KIAA0930: variants seen among roughly 807,000 people sequenced by gnomAD.
The protein encoded by KIAA0930 is KIAA0930.
KIAA0930 carries 24 observed loss-of-function variants against 43.9 expected under a neutral mutation model. The ratio of observed to expected loss-of-function variants is 0.55; its 90% confidence interval spans 0.40 to 0.77. KIAA0930 has a LOEUF of 0.77. Among genes scored for constraint, KIAA0930 ranks in the 30% least tolerant of loss-of-function variants. The pLI, the probability that KIAA0930 is intolerant of heterozygous loss-of-function variation, is 0.00. For synonymous variants in KIAA0930, 259 were observed against 216.4 expected (o/e 1.20, Z -1.73); for missense variants, 461 against 574.2 (o/e 0.80, Z 2.02).
At chr22:45,212,414 T>A in intron 1 of KIAA0930, 2 of 1,543,838 alleles carry the variant, frequency 1.3e-6, no homozygotes, top group Non-Finnish European at 1.8e-6. Flanking sequence ...AAAAGGAAAA[T>A]CCCGAGGAGC....
chr22:45,234,665 T>TA (rs1452985573), intron 1 of KIAA0930, among the ~76,000 whole-genome samples: 8 of 152,198 alleles, frequency 5.3e-5, no homozygotes, highest in African/African-American at 1.9e-4. Context: ...TTTGCACGTA[T>TA]AAAAAGCTTT....
intron 1 of KIAA0930, among the ~76,000 whole-genome samples, chr22:45,233,854 T>C (rs2083869613): frequency 6.6e-6 from 1 of 152,158 alleles, no homozygotes; most frequent in South Asian, 2.1e-4. Flanking sequence ...TGACGTATTG[T>C]TTACAAGTCC....
intron 1 of KIAA0930, among the ~76,000 whole-genome samples, chr22:45,225,631 C>G (rs968331727): frequency 6.6e-6 from 1 of 152,164 alleles, no homozygotes; most frequent in African/African-American, 2.4e-5. Flanking sequence ...GGCACAAGCA[C>G]GGCGCCCATT....
chr22:45,209,060 G>C (rs2083667961), intron 2 of KIAA0930, among the ~76,000 whole-genome samples: 1 of 152,226 alleles, frequency 6.6e-6, no homozygotes, highest in Non-Finnish European at 1.5e-5. Context: ...TCCCTCCCTG[G>C]GAAAGGCTGG....
intron 1 of KIAA0930, among the ~76,000 whole-genome samples, chr22:45,221,687 A>T (rs1156739083): frequency 6.6e-6 from 1 of 152,256 alleles, no homozygotes. Context: ...AACAGAATAG[A>T]AAGCAAAAAC....
intron 1 of KIAA0930, chr22:45,213,412 G>C: frequency 7.7e-7 from 1 of 1,299,742 alleles, no homozygotes; most frequent in Non-Finnish European, 1.0e-6. Flanking sequence ...CTGGGTCAGC[G>C]AGCCTTGTCA....
chr22:45,199,390 G>A (rs1451685804), intron 8 of KIAA0930, among the ~76,000 whole-genome samples: 1 of 152,114 alleles, frequency 6.6e-6, no homozygotes, highest in Non-Finnish European at 1.5e-5. Context: ...TGCACGAGGT[G>A]GCGACTGTGT....
chr22:45,230,127 G>A lies in KIAA0930; in HGVS notation c.64+10513C>T, dbSNP rs115340315. ...ACATATGGGACAATGCAGGTGGGGA[G>A]AGGAGACAGCCCAGGCACAGCCTGG... is the stretch of plus-strand genomic sequence containing the variant. On this transcript the variant is annotated intron_variant, in intron 1 of 9. Transcript: ENST00000336156. Among the ~76,000 whole-genome samples, 937 of 152,320 alleles carry A rather than the reference G, an allele frequency of 6.2e-3. 15 individuals carry two copies. Among genetic ancestry groups the A allele is most frequent in the African/African-American group, 0.022 (898 of 41,568 alleles).
Position 45,211,964 on chromosome 22 carries a change from C to T in KIAA0930, c.208G>A (p.Gly70Arg), listed in dbSNP as rs1462812749. 16 of 1,611,358 alleles carry T rather than the reference C, an allele frequency of 9.9e-6. No individual in the cohort carries two copies. The highest frequency in any genetic ancestry group is 1.2e-5 in the Non-Finnish European group (14 of 1,179,986). ...GGCCGGGGGTCACTCACCTTCCTCC[C>T]GTCTGCACCGCTTTCGCTGCCGGAG... ...AYSGSESGAD[G>R]RKAAEPEVEV... The change falls in exon 2 of 10, where the codon GGG (glycine) becomes AGG (arginine). Residue 70 changes from glycine (G) to arginine (R), a missense_variant. Gly to Arg is a moderately radical substitution (Grantham distance 125). Transcript: ENST00000336156.
intron 1 of KIAA0930, among the ~76,000 whole-genome samples, chr22:45,225,346 A>C (rs1023044877): frequency 1.3e-5 from 2 of 152,096 alleles, no homozygotes; most frequent in Non-Finnish European, 2.9e-5. Context: ...TTGAGTCCCC[A>C]CGTGAGCAGT....
chr22:45,235,021 ATG>A (rs2083878503), intron 1 of KIAA0930, among the ~76,000 whole-genome samples: 1 of 151,952 alleles, frequency 6.6e-6, no homozygotes, highest in African/African-American at 2.4e-5. Context: ...TTAGAAAAAA[ATG>A]TGTTTGGGAA....
At chr22:45,232,781 C>T (rs1017554158) in intron 1 of KIAA0930, among the ~76,000 whole-genome samples, 20 of 152,090 alleles carry the variant, frequency 1.3e-4, no homozygotes, top group Admixed American at 9.8e-4. Flanking sequence ...GGGTGGGGAC[C>T]GGCTCCAGGG....
rs1389265158 is a variant in KIAA0930 at position 45,197,215 on chromosome 22, G to A, written c.1176C>T (p.Asp392=). The change falls in exon 10 of 10, where the codon GAC becomes GAT. Residue 392 remains aspartate, a splice_region_variant and synonymous_variant. Coordinates refer to ENST00000336156, the MANE Select transcript of KIAA0930 (RefSeq NM_001009880.2). Reference sequence around the variant, plus strand: ...TGGGCTTCTGCCGAACTTCCAGGATGTCTAGGGCCGGCAGGAGGGAAGCAG... The same window carrying A: ...TGGGCTTCTGCCGAACTTCCAGGATATCTAGGGCCGGCAGGAGGGAAGCAG... ...VTLPLHRILT[D]ILEVRQKPIL... 2.6e-6 allele frequency: 4 copies of A among 1,550,364 alleles called. No homozygotes were observed. The South Asian group carries it at 3.6e-5, about 14-fold the overall frequency.
rs1235107082 is a variant in KIAA0930, at chr22:45,208,384, A to C, written c.217-2472T>G. 2.0e-5 allele frequency among the ~76,000 whole-genome samples: 3 copies of C among 147,498 alleles called. 1 individual carries two copies. Among genetic ancestry groups the C allele is most frequent in the Non-Finnish European group, 4.6e-5 (3 of 65,824 alleles). On this transcript the variant is annotated intron_variant, in intron 2 of 9. Transcript: ENST00000336156. ...CGACTCCACATGCACGAGCTGTAAGAACAGGTAGAACCCGCCAACTCCACA... is the reference window on the plus strand; with the variant it reads ...CGACTCCACATGCACGAGCTGTAAGCACAGGTAGAACCCGCCAACTCCACA...
chr22:45,205,770 G>GCGCCC, intron 3 of KIAA0930, 23 bp downstream of exon 3: 31 of 1,523,690 alleles, frequency 2.0e-5, no homozygotes, highest in Middle Eastern at 1.7e-4. Flanking sequence ...CCAATCCGCA[G>GCGCCC]CCCCACCCAT....
At chr22:45,203,459 G>A (rs564096054) in intron 6 of KIAA0930, among the ~76,000 whole-genome samples, 19 of 152,228 alleles carry the variant, frequency 1.2e-4, no homozygotes, top group African/African-American at 4.3e-4. Flanking sequence ...GTGCCCGCTG[G>A]GGGAGAGGGG....
intron 1 of KIAA0930, among the ~76,000 whole-genome samples, chr22:45,218,976 C>T (rs1201983822): frequency 2.6e-5 from 4 of 152,144 alleles, no homozygotes; most frequent in Non-Finnish European, 5.9e-5. Flanking sequence ...CACTTTCCAG[C>T]CGAGTGCCAA....
At chr22:45,220,387 G>C (rs1279992150) in intron 1 of KIAA0930, among the ~76,000 whole-genome samples, 1 of 151,928 alleles carries the variant, frequency 6.6e-6, no homozygotes, top group African/African-American at 2.4e-5. Flanking sequence ...TCCAGGAGGC[G>C]GAGGTTGCAG....
At chr22:45,226,589 A>G (rs1231073822) in intron 1 of KIAA0930, among the ~76,000 whole-genome samples, 2 of 151,924 alleles carry the variant, frequency 1.3e-5, no homozygotes, top group Admixed American at 6.6e-5. Context: ...TCTCCTAAGC[A>G]CAATCATCAA....
Sources: allele counts gnomAD v4.1 joint callset (sites outside exome capture counted in the v4.1 genomes callset), GRCh38; gene constraint gnomAD v4.1.1; transcripts MANE v1.5; gene names NCBI Gene and HGNC (gene_info 2026-07-23, HGNC 2026-07-21).